The following MRPL13 variants were observed in gnomAD, a reference collection of about 807,000 sequenced individuals.
MRPL13 encodes the protein mitochondrial ribosomal protein L13.
In MRPL13, 33 loss-of-function variants were observed where a neutral mutation model predicts 29.0. The ratio of observed to expected loss-of-function variants is 1.14; its 90% confidence interval spans 0.86 to 1.52. MRPL13 has a LOEUF of 1.52. Among genes scored for constraint, MRPL13 ranks in the 40% most tolerant of loss-of-function variants. MRPL13 has a pLI of 0.00. For synonymous variants in MRPL13, 77 were observed against 68.4 expected, an observed-to-expected ratio of 1.13 and a Z score of -0.62; for missense variants, 227 against 216.7, an observed-to-expected ratio of 1.05 and a Z score of -0.30.
chr8:120,421,339 ACAT>A (rs1298532148), intron 4 of MRPL13, among the ~76,000 whole-genome samples: 5 of 151,908 alleles, frequency 3.3e-5, no homozygotes, highest in Non-Finnish European at 7.4e-5. Context: ...AGAATAATCT[ACAT>A]CATTATGAAA....
chr8:120,398,256 T>C (rs1261206641), intron 6 of MRPL13, among the ~76,000 whole-genome samples: 1 of 152,130 alleles, frequency 6.6e-6, no homozygotes, highest in Non-Finnish European at 1.5e-5. Flanking sequence ...AACAGGTCAG[T>C]ACCCCTCTAG....
intron 2 of MRPL13, among the ~76,000 whole-genome samples, chr8:120,440,476 ATGC>A (rs1179790851): frequency 6.6e-6 from 1 of 152,038 alleles, no homozygotes; most frequent in Non-Finnish European, 1.5e-5. Context: ...GTGGTGGCAT[ATGC>A]CTGTAATCCC....
At chr8:120,420,788 G>A (rs1812863771) in intron 4 of MRPL13, among the ~76,000 whole-genome samples, 1 of 151,654 alleles carries the variant, frequency 6.6e-6, no homozygotes, top group Non-Finnish European at 1.5e-5. Flanking sequence ...TTATCATAAA[G>A]GCATTTTATT....
intron 2 of MRPL13, among the ~76,000 whole-genome samples, chr8:120,437,014 T>C (rs1372676252): frequency 1.3e-5 from 2 of 152,148 alleles, no homozygotes; most frequent in East Asian, 1.9e-4. Flanking sequence ...CCAAGGCATA[T>C]TGTTTAATTT....
At chr8:120,414,284 T>A in intron 5 of MRPL13, 172 bp from the exon 6 acceptor site, 1 of 474,586 alleles carries the variant, frequency 2.1e-6, no homozygotes, top group East Asian at 4.4e-5. Context: ...GTACATTAGG[T>A]TAATAATACA....
chr8:120,430,001 C>T (rs1279343557), intron 3 of MRPL13, among the ~76,000 whole-genome samples: 1 of 152,180 alleles, frequency 6.6e-6, no homozygotes, highest in African/African-American at 2.4e-5. Flanking sequence ...GTGGCTCACG[C>T]CTGTAATCAC....
Position 120,396,004 on chromosome 8 carries a change from T to C in MRPL13, c.*100A>G, listed in dbSNP as rs957700743. ...GTGATTCGGCACATAAAACAGGTGC[T>C]GAACTGTAGCAGTTGTTTTACTCCA... On this transcript the variant is annotated 3_prime_UTR_variant, in exon 7 of 7. Coordinates refer to ENST00000306185, the MANE Select transcript of MRPL13 (RefSeq NM_014078.6). The C allele has an allele frequency of 4.3e-5, 42 of 974,888 alleles. No homozygotes were observed. Among genetic ancestry groups the C allele is most frequent in the Non-Finnish European group, 5.6e-5 (36 of 642,884 alleles). 60.4% of individuals were successfully genotyped at this position (974,888 alleles called of 1,614,324 possible).
chr8:120,402,239 A>G (rs1386174481), intron 6 of MRPL13, among the ~76,000 whole-genome samples: 1 of 152,154 alleles, frequency 6.6e-6, no homozygotes, highest in Admixed American at 6.6e-5. Context: ...TTCGCTACCC[A>G]ACTTCAAACT....
In MRPL13 at chr8:120,429,804, A is replaced by G. The variant is rs141417079; in HGVS notation, c.245+2226T>C. 1.8e-3 allele frequency among the ~76,000 whole-genome samples: 280 copies of G among 152,316 alleles called. 1 individual carries two copies. Among genetic ancestry groups the G allele is most frequent in the African/African-American group, 4.8e-3 (201 of 41,588 alleles). On this transcript the variant is annotated intron_variant, in intron 3 of 6. Coordinates refer to ENST00000306185, the MANE Select transcript of MRPL13 (RefSeq NM_014078.6). ...TGATATAAAATGGCATAGTAATTGC[A>G]TATAACCTACACACATCCTCTTGTA... is the stretch of plus-strand genomic sequence containing the variant.
intron 6 of MRPL13, among the ~76,000 whole-genome samples, chr8:120,413,713 T>C (rs997973638): frequency 6.6e-6 from 1 of 152,192 alleles, no homozygotes; most frequent in Non-Finnish European, 1.5e-5. Context: ...ACAATTCATA[T>C]ATCATTCCTA....
chr8:120,401,520 T>C (rs1286727891), intron 6 of MRPL13, among the ~76,000 whole-genome samples: 1 of 152,132 alleles, frequency 6.6e-6, no homozygotes, highest in Non-Finnish European at 1.5e-5. Context: ...GTAAGGGCCA[T>C]ATGTGACAAA....
chr8:120,419,768 G>A, intron 5 of MRPL13, 84 bp downstream of exon 5: 1 of 1,009,722 alleles, frequency 9.9e-7, no homozygotes, highest in South Asian at 1.9e-5. Flanking sequence ...TTGAAAATAA[G>A]TCTGTGGCAT....
chr8:120,405,153 A>C (rs939379509), intron 6 of MRPL13, among the ~76,000 whole-genome samples: 1 of 152,242 alleles, frequency 6.6e-6, no homozygotes, highest in Non-Finnish European at 1.5e-5. Context: ...ACATCAACTC[A>C]TACTGGAGGC....
intron 3 of MRPL13, among the ~76,000 whole-genome samples, chr8:120,429,076 TA>T (rs1312049485): frequency 6.6e-6 from 1 of 152,006 alleles, no homozygotes; most frequent in Non-Finnish European, 1.5e-5. Context: ...TTCATTATAG[TA>T]AAGACATGGA....
intron 1 of MRPL13, among the ~76,000 whole-genome samples, chr8:120,443,596 A>G (rs1004527247): frequency 6.6e-5 from 10 of 150,722 alleles, no homozygotes; most frequent in African/African-American, 2.4e-4. Context: ...TCCCAAAGAT[A>G]TATTTCCCTT....
intron 4 of MRPL13, 73 bp from the exon 5 acceptor site, chr8:120,420,011 T>A: frequency 1.0e-6 from 1 of 994,882 alleles, no homozygotes; most frequent in Admixed American, 3.0e-5. Context: ...TAATTAGAGA[T>A]GATGATGAAA....
chr8:120,426,025 T>C (rs1812928306), intron 3 of MRPL13, among the ~76,000 whole-genome samples: 1 of 152,104 alleles, frequency 6.6e-6, no homozygotes, highest in Non-Finnish European at 1.5e-5. Context: ...ACTCCCAGTG[T>C]AATATCAGGC....
At chr8:120,423,908 G>A (rs1216539819) in intron 4 of MRPL13, among the ~76,000 whole-genome samples, 1 of 152,084 alleles carries the variant, frequency 6.6e-6, no homozygotes. Flanking sequence ...CTTGTAGATT[G>A]GGAGGGAGGG....
intron 1 of MRPL13, 188 bp downstream of exon 1, chr8:120,444,880 A>G (rs2130493571): frequency 1.0e-4 from 37 of 366,492 alleles, no homozygotes; most frequent in Middle Eastern, 9.6e-4. Flanking sequence ...AGAAGAGGGG[A>G]CGAGTAACAG....
Sources: gnomAD v4.1 joint callset for allele counts (sites outside exome capture counted in the v4.1 genomes callset) on GRCh38, gnomAD v4.1.1 for gene constraint, MANE v1.5 for transcripts, NCBI Gene and HGNC (gene_info 2026-07-23, HGNC 2026-07-21) for gene names.